NREP: variants seen among roughly 807,000 people sequenced by gnomAD.
NREP encodes the protein neuronal regeneration related protein.
NREP carries 5 observed loss-of-function variants against 8.6 expected under a neutral mutation model. The ratio of observed to expected loss-of-function variants is 0.58; its 90% CI spans 0.30 to 1.22. NREP has a LOEUF of 1.22. Ranked by LOEUF, NREP falls within the 50% of genes most tolerant of loss-of-function variation. The pLI is 0.07. For synonymous variants in NREP, 27 were observed against 28.0 expected, an observed-to-expected ratio of 0.96 and a Z score of 0.11; for missense variants, 86 against 82.5, an observed-to-expected ratio of 1.04 and a Z score of -0.17.
chr5:111,885,493 A>T (rs1453205078), intron 2 of NREP, among the ~76,000 whole-genome samples: 1 of 152,188 alleles, frequency 6.6e-6, no homozygotes, highest in Non-Finnish European at 1.5e-5. Flanking sequence ...TTCATATGGA[A>T]CCAAAAAAGA....
intron 2 of NREP, among the ~76,000 whole-genome samples, chr5:111,863,584 A>C (rs966385151): frequency 1.1e-4 from 17 of 152,130 alleles, no homozygotes; most frequent in African/African-American, 4.1e-4. Flanking sequence ...GTTTGAGGGC[A>C]GGATAATAAA....
chr5:111,738,035 A>G (rs1581042383), intron 2 of NREP, among the ~76,000 whole-genome samples: 1 of 152,326 alleles, frequency 6.6e-6, no homozygotes, highest in Non-Finnish European at 1.5e-5. Flanking sequence ...GAGGAGTCTC[A>G]GTTACATTCT....
chr5:111,949,507 T>C (rs1756092552), intron 2 of NREP, among the ~76,000 whole-genome samples: 1 of 152,118 alleles, frequency 6.6e-6, no homozygotes, highest in Non-Finnish European at 1.5e-5. Context: ...TACTTTAAGT[T>C]CTGGGATACA....
At chr5:111,732,398 A>T (rs1284155170) in intron 3 of NREP, 3 of 152,070 alleles carry the variant, frequency 2.0e-5, no homozygotes, top group Non-Finnish European at 4.4e-5. Context: ...AAAGTCTCGG[A>T]CTTTGAGAGC....
intron 2 of NREP, among the ~76,000 whole-genome samples, chr5:111,884,100 G>A (rs1174969966): frequency 6.6e-6 from 1 of 152,250 alleles, no homozygotes; most frequent in South Asian, 2.1e-4. Flanking sequence ...GAAGAAAAGA[G>A]AGAAGAATCA....
At chr5:111,876,034 A>G (rs535304132) in intron 2 of NREP, among the ~76,000 whole-genome samples, 1 of 152,310 alleles carries the variant, frequency 6.6e-6, no homozygotes, top group East Asian at 1.9e-4. Context: ...CCTAGGGTGC[A>G]AATCTCTGGC....
chr5:111,896,357 T>C (rs540082433), intron 2 of NREP, among the ~76,000 whole-genome samples: 1 of 152,244 alleles, frequency 6.6e-6, no homozygotes, highest in Non-Finnish European at 1.5e-5. Context: ...GAAAAACAGA[T>C]TTTAGAGGAA....
intron 2 of NREP, among the ~76,000 whole-genome samples, chr5:111,925,123 G>A (rs1207293403): frequency 2.0e-5 from 3 of 152,130 alleles, no homozygotes; most frequent in Non-Finnish European, 4.4e-5. Flanking sequence ...TGTCCAGAAG[G>A]AGGTCTACCC....
chr5:111,799,698 T>A (rs1751957037), intron 2 of NREP, among the ~76,000 whole-genome samples: 1 of 152,222 alleles, frequency 6.6e-6, no homozygotes, highest in Non-Finnish European at 1.5e-5. Context: ...ATTTCCGATT[T>A]AAGGCTGCCT....
intron 2 of NREP, among the ~76,000 whole-genome samples, chr5:111,855,593 C>T (rs988248027): frequency 5.3e-5 from 8 of 152,140 alleles, no homozygotes; most frequent in Non-Finnish European, 1.0e-4. Context: ...TGACAGGCCA[C>T]CAGAGCCTGT....
chr5:111,954,533 T>C (rs1756256227), intron 2 of NREP, among the ~76,000 whole-genome samples: 1 of 152,156 alleles, frequency 6.6e-6, no homozygotes, highest in African/African-American at 2.4e-5. Context: ...ACCATTGAAG[T>C]AACTTGCATT....
chr5:111,919,715 C>T (rs1362795023), intron 2 of NREP, among the ~76,000 whole-genome samples: 3 of 151,996 alleles, frequency 2.0e-5, no homozygotes, highest in South Asian at 2.1e-4. Context: ...CACACCGGGG[C>T]CTGTCAGGGG....
intron 2 of NREP, among the ~76,000 whole-genome samples, chr5:111,814,963 GA>G (rs60414933): frequency 0.25 from 34,206 of 135,580 alleles, 5,017 homozygotes; most frequent in East Asian, 0.49. Flanking sequence ...TTACCAAGAG[GA>G]AAAAAAAAAA....
At chr5:111,869,230 A>C (rs2112493458) in intron 2 of NREP, among the ~76,000 whole-genome samples, 2 of 152,316 alleles carry the variant, frequency 1.3e-5, no homozygotes, top group South Asian at 4.1e-4. Flanking sequence ...ATATATTGCC[A>C]ACATCAGAGG....
At chr5:111,737,932 T>C (rs1749292318) in intron 2 of NREP, among the ~76,000 whole-genome samples, 1 of 152,154 alleles carries the variant, frequency 6.6e-6, no homozygotes, top group Admixed American at 6.5e-5. Context: ...GTAATCATTG[T>C]ATACTTTTAG....
intron 2 of NREP, among the ~76,000 whole-genome samples, chr5:111,897,430 C>A (rs1432154725): frequency 6.6e-6 from 1 of 152,174 alleles, no homozygotes; most frequent in East Asian, 1.9e-4. Context: ...AGAAAATAAT[C>A]TGAGCTGGTT....
chr5:111,962,194 A>C (rs1756499289), intron 2 of NREP, among the ~76,000 whole-genome samples: 1 of 152,146 alleles, frequency 6.6e-6, no homozygotes, highest in Non-Finnish European at 1.5e-5. Context: ...GTTTTTAATC[A>C]CCTACAGTTC....
intron 2 of NREP, among the ~76,000 whole-genome samples, chr5:111,941,431 C>T (rs1561358869): frequency 6.6e-6 from 1 of 151,982 alleles, no homozygotes; most frequent in East Asian, 1.9e-4. Flanking sequence ...TCTTCTGAGG[C>T]CTCTCTCATT....
At position 111,927,117 on chromosome 5, in the gene NREP, T is replaced by C. The variant is rs1755410711; in HGVS notation, c.135+48157A>G. 6.6e-5 allele frequency among the ~76,000 whole-genome samples: 10 copies of C among 152,194 alleles called. 1 individual carries two copies. The South Asian group carries it at 2.1e-3, about 32-fold the overall frequency. ...AATTGGGCCCTATATTCTGCTATTA[T>C]GGTCTGATAACTGCCAAACCATCAC... On this transcript the variant is annotated intron_variant, in intron 2 of 3. Transcript: ENST00000395634.
Sources: allele counts gnomAD v4.1 joint callset (sites outside exome capture counted in the v4.1 genomes callset), GRCh38; gene constraint gnomAD v4.1.1; transcripts MANE v1.5; gene names NCBI Gene and HGNC (gene_info 2026-07-23, HGNC 2026-07-21).